Variants in CENPP observed in about 807,000 individuals in gnomAD.
CENPP encodes centromere protein P.
In CENPP, 24 loss-of-function variants were observed where a neutral mutation model predicts 35.6. That is an observed-to-expected ratio of 0.67 (90% CI 0.49 to 0.95). The LOEUF (loss-of-function observed/expected upper bound fraction) is 0.95. Ranked by LOEUF, CENPP falls within the 40% of genes least tolerant of loss-of-function variation. The probability of loss-of-function intolerance (pLI) is 0.00; values close to 1 mark genes in which losing one functional copy is unlikely to be tolerated. For synonymous variants in CENPP, 120 were observed against 125.5 expected (o/e 0.96, Z 0.29); for missense variants, 332 against 345.3 (o/e 0.96, Z 0.31).
At chr9:92,502,785 G>T in intron 5 of CENPP, 7 of 642,430 alleles carry the variant, frequency 1.1e-5, no homozygotes, top group Admixed American at 4.2e-5. Flanking sequence ...TTTCAAGTAA[G>T]CTCATATTTT....
chr9:92,465,161 C>T (rs1024414266), intron 5 of CENPP: 9 of 664,802 alleles, frequency 1.4e-5, no homozygotes, highest in African/African-American at 7.2e-5. Flanking sequence ...CATTTTCACT[C>T]GGTATATCTG....
intron 5 of CENPP, among the ~76,000 whole-genome samples, chr9:92,551,425 C>T (rs1318821136): frequency 6.6e-6 from 1 of 152,130 alleles, no homozygotes; most frequent in Non-Finnish European, 1.5e-5. Flanking sequence ...GTAGCTTCAA[C>T]CTCCCAGGCT....
chr9:92,330,252 G>T (rs752764022), intron 1 of CENPP, among the ~76,000 whole-genome samples: 5 of 152,172 alleles, frequency 3.3e-5, no homozygotes, highest in African/African-American at 4.8e-5. Flanking sequence ...CAAATGTAGG[G>T]TAATTTAGAG....
At position 92,616,062 on chromosome 9, in the gene CENPP, A is replaced by G. The variant is rs1254645693; in HGVS notation, c.*2913A>G. On this transcript the variant is annotated 3_prime_UTR_variant, in exon 8 of 8. Coordinates refer to ENST00000375587, the MANE Select transcript of CENPP (RefSeq NM_001012267.3). The stretch of plus-strand genomic sequence containing the variant: ...ACGACAGGCCTTTGATCAGAGCTGC[A>G]AGTAAAAAGTACCATTTCAGGATAC... The G allele has an allele frequency of 3.1e-6, 5 of 1,606,964 alleles. No individual in the cohort carries two copies. Among genetic ancestry groups the G allele is most frequent in the Non-Finnish European group, 4.3e-6 (5 of 1,174,492 alleles).
intron 5 of CENPP, among the ~76,000 whole-genome samples, chr9:92,486,061 C>T (rs1004486590): frequency 6.6e-6 from 1 of 152,112 alleles, no homozygotes; most frequent in African/African-American, 2.4e-5. Context: ...ATTCATTCAA[C>T]AAATAGTGTA....
intron 5 of CENPP, among the ~76,000 whole-genome samples, chr9:92,528,253 C>T (rs1487649692): frequency 6.6e-6 from 1 of 152,146 alleles, no homozygotes; most frequent in Non-Finnish European, 1.5e-5. Context: ...GGATGCAAAT[C>T]AAATGCCCGG....
At chr9:92,586,671 G>C (rs1850548789) in intron 5 of CENPP, among the ~76,000 whole-genome samples, 1 of 152,050 alleles carries the variant, frequency 6.6e-6, no homozygotes, top group South Asian at 2.1e-4. Context: ...AGCCAAAGTG[G>C]AAAGACTGGG....
intron 5 of CENPP, among the ~76,000 whole-genome samples, chr9:92,464,263 G>A (rs1845221767): frequency 6.6e-6 from 1 of 152,164 alleles, no homozygotes; most frequent in Non-Finnish European, 1.5e-5. Flanking sequence ...TGGTCATCTG[G>A]CAGACTTAAG....
Position 92,474,773 on chromosome 9 carries a change from T to C in CENPP, c.564+94914T>C, listed in dbSNP as rs773845974. 11 of 1,612,888 alleles carry C rather than the reference T, an allele frequency of 6.8e-6. 1 individual carries two copies. In the South Asian group the frequency reaches 1.2e-4, roughly 18 times the overall value. On this transcript the variant is annotated intron_variant, in intron 5 of 7. Transcript: ENST00000375587. The stretch of plus-strand genomic sequence containing the variant: ...ATCATCATCATCATCATCATCATCA[T>C]CATCATCATCATCTGTGTCTTCCAT...
chr9:92,544,836 CTCCCCAGTAGCTGGGAG>C (rs1325199448), intron 5 of CENPP, among the ~76,000 whole-genome samples: 1 of 151,900 alleles, frequency 6.6e-6, no homozygotes, highest in African/African-American at 2.4e-5. Context: ...CTGCCTCAGC[CTCCCCAGTAGCTGGGAG>C]TACAGGCGCA....
chr9:92,529,077 G>GA (rs1563988502), intron 5 of CENPP, among the ~76,000 whole-genome samples: 2 of 152,010 alleles, frequency 1.3e-5, no homozygotes, highest in African/African-American at 2.4e-5. Context: ...ATGTGAGAGA[G>GA]AAAAAATACA....
intron 5 of CENPP, among the ~76,000 whole-genome samples, chr9:92,397,992 C>T (rs1288675968): frequency 3.9e-5 from 6 of 152,136 alleles, no homozygotes; most frequent in African/African-American, 1.4e-4. Context: ...TAGCCTTCCA[C>T]CTTTCCGTAT....
intron 4 of CENPP, among the ~76,000 whole-genome samples, chr9:92,363,316 G>T (rs543911770): frequency 6.6e-6 from 1 of 152,174 alleles, no homozygotes; most frequent in East Asian, 1.9e-4. Flanking sequence ...GTCATGTGCC[G>T]CATAACTACT....
intron 5 of CENPP, among the ~76,000 whole-genome samples, chr9:92,510,885 A>G (rs1847292093): frequency 6.6e-6 from 1 of 152,198 alleles, no homozygotes; most frequent in Non-Finnish European, 1.5e-5. Context: ...GTGTGAATGT[A>G]GAACCCTTTT....
intron 5 of CENPP, among the ~76,000 whole-genome samples, chr9:92,576,900 G>A (rs1313132203): frequency 1.3e-5 from 2 of 152,098 alleles, no homozygotes; most frequent in African/African-American, 4.8e-5. Context: ...CAGACCGTTT[G>A]CACCAAAAAT....
At chr9:92,495,988 C>T in intron 5 of CENPP, 1 of 994,272 alleles carries the variant, frequency 1.0e-6, no homozygotes, top group South Asian at 4.7e-5. Context: ...CAGCTAACAC[C>T]AGTATTCAAG....
intron 5 of CENPP, chr9:92,465,032 G>T: frequency 6.3e-7 from 1 of 1,591,562 alleles, no homozygotes; most frequent in African/African-American, 1.3e-5. Context: ...ACTCATTTCT[G>T]TCAGGGGAGA....
rs1045946021 is a variant in CENPP at position 92,618,787 on chromosome 9, C to T, written c.*5638C>T. ...TGGGAACTGTTTAGTTCAAAAGCACCGGGAAAGTGAGTGGCTGGCAGCCAG... is the reference window on the plus strand; with the variant it reads ...TGGGAACTGTTTAGTTCAAAAGCACTGGGAAAGTGAGTGGCTGGCAGCCAG... On this transcript the variant is annotated 3_prime_UTR_variant, in exon 8 of 8. Transcript: ENST00000375587. The T allele has an allele frequency of 1.4e-5, 5 of 352,562 alleles. No individual in the cohort carries two copies. Among genetic ancestry groups the T allele is most frequent in the East Asian group, 7.4e-5 (1 of 13,472 alleles). 21.8% of individuals were successfully genotyped at this position (352,562 alleles called of 1,614,324 possible).
At chr9:92,359,735 G>A (rs1415565245) in intron 4 of CENPP, among the ~76,000 whole-genome samples, 1 of 151,986 alleles carries the variant, frequency 6.6e-6, no homozygotes, top group Non-Finnish European at 1.5e-5. Context: ...ACACTTCTGT[G>A]ATAAGAAGCC....
Sources: allele counts gnomAD v4.1 joint callset (sites outside exome capture counted in the v4.1 genomes callset), GRCh38; gene constraint gnomAD v4.1.1; transcripts MANE v1.5; gene names NCBI Gene and HGNC (gene_info 2026-07-23, HGNC 2026-07-21).